Variants in ANOS1 observed in about 807,000 individuals in gnomAD.
ANOS1 encodes the protein anosmin-1.
In ANOS1, 6 loss-of-function variants were observed where a neutral mutation model predicts 59.0. The observed-to-expected ratio is 0.10, with a 90% CI of 0.06 to 0.20. ANOS1 has a LOEUF of 0.20. ANOS1 is among the 10% of genes least tolerant of loss of function. ANOS1 has a pLI of 1.00. For missense variants in ANOS1, 433 were observed against 542.3 expected, an observed-to-expected ratio of 0.80 and a Z score of 2.00; for synonymous variants, 217 against 223.4, an observed-to-expected ratio of 0.97 and a Z score of 0.25.
At chrX:8,668,086 G>C (rs891144092) in intron 2 of ANOS1, among the ~76,000 whole-genome samples, 2 of 108,726 alleles carry the variant, frequency 1.8e-5, no homozygotes, top group African/African-American at 3.3e-5. Flanking sequence ...TTGGTTACAT[G>C]AGTAAGTTCT....
intron 1 of ANOS1, among the ~76,000 whole-genome samples, chrX:8,726,528 C>T (rs764561979): frequency 8.9e-6 from 1 of 112,117 alleles, no homozygotes; most frequent in South Asian, 3.7e-4. Context: ...CACATCCCGC[C>T]TCACTTGCCC....
At chrX:8,569,141 G>A (rs1345237635) in intron 7 of ANOS1, among the ~76,000 whole-genome samples, 3 of 111,922 alleles carry the variant, frequency 2.7e-5, no homozygotes, top group African/African-American at 9.8e-5. Flanking sequence ...AATGCTTCAA[G>A]GTGCTTCATT....
chrX:8,537,750 G>A (rs948376833), intron 10 of ANOS1, among the ~76,000 whole-genome samples: 23 of 52,290 alleles, frequency 4.4e-4, no homozygotes, highest in East Asian at 1.3e-3. Flanking sequence ...TGGTTTTTAC[G>A]TGTGTGTGTG....
chrX:8,541,414 C>T (rs761491668), intron 9 of ANOS1, among the ~76,000 whole-genome samples: 1 of 101,613 alleles, frequency 9.8e-6, no homozygotes, highest in Admixed American at 1.1e-4. Flanking sequence ...CCACCACCCC[C>T]CCCCCAAAAA....
intron 2 of ANOS1, among the ~76,000 whole-genome samples, chrX:8,634,117 C>A (rs1931534734): frequency 9.0e-6 from 1 of 110,916 alleles, no homozygotes; most frequent in Non-Finnish European, 1.9e-5. Flanking sequence ...TAATTCCATT[C>A]TCTTAGTAGA....
At chrX:8,601,122 G>A (rs1001394976) in intron 3 of ANOS1, among the ~76,000 whole-genome samples, 7 of 107,051 alleles carry the variant, frequency 6.5e-5, no homozygotes, top group African/African-American at 2.4e-4. Flanking sequence ...GAACCTGGGA[G>A]GCGGAGCTTG....
intron 2 of ANOS1, among the ~76,000 whole-genome samples, chrX:8,648,796 T>C (rs1339876604): frequency 1.8e-5 from 2 of 112,322 alleles, no homozygotes; most frequent in African/African-American, 6.5e-5. Flanking sequence ...TAGCCAGTTT[T>C]GACATATATA....
intron 6 of ANOS1, among the ~76,000 whole-genome samples, chrX:8,582,176 G>T (rs749357900): frequency 8.9e-6 from 1 of 112,583 alleles, no homozygotes; most frequent in East Asian, 2.8e-4. Context: ...AAATACTAAG[G>T]CAGGGTAGAC....
rs775708192 is a variant in ANOS1 at position 8,533,035 on chromosome X, C to T, written c.2003G>A (p.Arg668His). 1.1e-5 allele frequency: 13 copies of T among 1,157,083 alleles called. No homozygotes were observed. Among genetic ancestry groups the T allele is most frequent in the Admixed American group, 2.2e-5 (1 of 45,686 alleles). Residue 668 changes from arginine (R) to histidine (H), a missense_variant, in exon 14 of 14, where the codon CGT becomes CAT. Transcript: ENST00000262648. ...SSAHRSHLKH[R>H]HPHHYKPSPE... The stretch of plus-strand genomic sequence containing the variant: ...AGAAGGCTTGTAATGATGTGGATGA[C>T]GATGCTTAAGATGAGATCCTAAAAA...
At chrX:8,696,342 T>C (rs1932684559) in intron 2 of ANOS1, among the ~76,000 whole-genome samples, 1 of 112,611 alleles carries the variant, frequency 8.9e-6, no homozygotes, top group African/African-American at 3.2e-5. Flanking sequence ...AATTAGTTAC[T>C]GGCCATATTT....
At chrX:8,702,109 C>T (rs967452648) in intron 1 of ANOS1, among the ~76,000 whole-genome samples, 7 of 111,031 alleles carry the variant, frequency 6.3e-5, no homozygotes, top group South Asian at 3.8e-4. Context: ...CGTACGTCCA[C>T]ATCTGGGCCC....
At chrX:8,590,036 T>C (rs868175521) in intron 4 of ANOS1, among the ~76,000 whole-genome samples, 35 of 111,767 alleles carry the variant, frequency 3.1e-4, no homozygotes, top group Middle Eastern at 9.3e-3. Context: ...CCAACCTATT[T>C]CCCTGCATCT....
chrX:8,619,354 C>G (rs1421729647), intron 3 of ANOS1, among the ~76,000 whole-genome samples: 1 of 111,472 alleles, frequency 9.0e-6, no homozygotes, highest in Non-Finnish European at 1.9e-5. Flanking sequence ...GCCTGTAATC[C>G]CAGCACTTTG....
chrX:8,622,754 G>A (rs780460819), intron 3 of ANOS1, among the ~76,000 whole-genome samples: 1 of 112,458 alleles, frequency 8.9e-6, no homozygotes, highest in Non-Finnish European at 1.9e-5. Context: ...CTTCTCAGCA[G>A]AATCCAGGCT....
At chrX:8,642,790 T>G (rs1369091927) in intron 2 of ANOS1, among the ~76,000 whole-genome samples, 1 of 111,171 alleles carries the variant, frequency 9.0e-6, no homozygotes, top group African/African-American at 3.3e-5. Flanking sequence ...AAGATTAGGA[T>G]TGAGTAGGTT....
intron 6 of ANOS1, among the ~76,000 whole-genome samples, chrX:8,582,259 A>C (rs920401367): frequency 1.8e-5 from 2 of 112,641 alleles, no homozygotes; most frequent in Non-Finnish European, 3.7e-5. Context: ...GCTTACACAT[A>C]TAAGTAGCAT....
rs1340426148 is a variant in ANOS1 at position 8,530,518 on chromosome X, G to C, written c.*2477C>G. On this transcript the variant is annotated 3_prime_UTR_variant, in exon 14 of 14. Transcript: ENST00000262648. ...TAAGAGAAACACATGTTTTTTATTA[G>C]CCCATTAATAGCATTTTTCTTCCAA... The C allele has an allele frequency of 3.6e-5, 4 of 110,096 alleles. No individual in the cohort carries two copies. The highest frequency in any genetic ancestry group is 7.6e-5 in the Non-Finnish European group (4 of 52,701). The allele number at this position is 110,096 out of a possible 1,213,427, so 9.1% of individuals were successfully genotyped here.
intron 2 of ANOS1, among the ~76,000 whole-genome samples, chrX:8,652,822 C>T (rs762126792): frequency 9.0e-6 from 1 of 110,804 alleles, no homozygotes; most frequent in Admixed American, 9.6e-5. Context: ...CCAAACCAGT[C>T]TTTGTGCTTA....
At chrX:8,721,875 T>G (rs775868622) in intron 1 of ANOS1, among the ~76,000 whole-genome samples, 4 of 112,500 alleles carry the variant, frequency 3.6e-5, no homozygotes, top group Non-Finnish European at 7.5e-5. Context: ...GCTGGGAGGC[T>G]GATGCTATAT....
Sources: gnomAD v4.1 joint callset for allele counts (sites outside exome capture counted in the v4.1 genomes callset) on GRCh38, gnomAD v4.1.1 for gene constraint, MANE v1.5 for transcripts, NCBI Gene and HGNC (gene_info 2026-07-23, HGNC 2026-07-21) for gene names.